Variants in CCDC171 observed in about 807,000 individuals in gnomAD.
The protein encoded by CCDC171 is coiled-coil domain-containing protein 171.
A neutral mutation model predicts 168.2 loss-of-function variants in CCDC171; 177 were observed. That is an observed-to-expected ratio of 1.05 (90% CI 0.93 to 1.19). CCDC171 has a LOEUF of 1.19. Among genes scored for constraint, CCDC171 ranks in the 50% most tolerant of loss-of-function variants. CCDC171 has a pLI of 0.00. For synonymous variants in CCDC171, 687 were observed against 540.8 expected (o/e 1.27, Z -3.75); for missense variants, 1,991 against 1,539.0 (o/e 1.29, Z -4.91).
chr9:15,749,204 A>G (rs2055534654), intron 18 of CCDC171, among the ~76,000 whole-genome samples: 1 of 152,194 alleles, frequency 6.6e-6, no homozygotes, highest in Non-Finnish European at 1.5e-5. Flanking sequence ...TTAAACCAAC[A>G]AAGATCGAAA....
intron 9 of CCDC171, 73 bp from the exon 10 acceptor site, chr9:15,678,685 T>C (rs1228786444): frequency 9.8e-6 from 12 of 1,226,658 alleles, no homozygotes; most frequent in Admixed American, 2.7e-5. Context: ...ATCTGCCATA[T>C]GTATTAAAGG....
At chr9:15,965,053 G>A (rs769323195) in intron 25 of CCDC171, among the ~76,000 whole-genome samples, 9 of 152,138 alleles carry the variant, frequency 5.9e-5, no homozygotes, top group Non-Finnish European at 1.2e-4. Context: ...GTGAGCTACC[G>A]TACCTGGCCT....
At chr9:15,778,133 TAAAAATAC>T (rs900287987) in intron 19 of CCDC171, among the ~76,000 whole-genome samples, 6 of 144,996 alleles carry the variant, frequency 4.1e-5, no homozygotes, top group African/African-American at 1.5e-4. Flanking sequence ...CCGTCTCTAC[TAAAAATAC>T]AAAAAATTAG....
At chr9:15,742,192 A>C (rs545304190) in intron 16 of CCDC171, among the ~76,000 whole-genome samples, 1 of 152,168 alleles carries the variant, frequency 6.6e-6, no homozygotes, top group South Asian at 2.1e-4. Context: ...CTCTACTGCT[A>C]ACCCTGGCTA....
chr9:15,900,084 C>T (rs535433604), intron 24 of CCDC171, among the ~76,000 whole-genome samples: 2 of 152,142 alleles, frequency 1.3e-5, no homozygotes, highest in Non-Finnish European at 2.9e-5. Flanking sequence ...CCCCTTTGTC[C>T]TTTCCCATGT....
At chr9:15,906,381 A>G (rs1226310752) in intron 24 of CCDC171, among the ~76,000 whole-genome samples, 5 of 152,244 alleles carry the variant, frequency 3.3e-5, no homozygotes, top group Admixed American at 6.5e-5. Context: ...ACGAAAATCA[A>G]TAAACGTAAT....
intron 1 of CCDC171, among the ~76,000 whole-genome samples, chr9:16,045,338 C>G (rs1833644308): frequency 6.6e-6 from 1 of 152,124 alleles, no homozygotes; most frequent in Admixed American, 6.5e-5. Flanking sequence ...TTAACACAGC[C>G]CAGGAGGCTT....
intron 4 of CCDC171, among the ~76,000 whole-genome samples, chr9:15,583,108 A>G (rs373037025): frequency 6.6e-6 from 1 of 152,074 alleles, no homozygotes; most frequent in African/African-American, 2.4e-5. Flanking sequence ...CCATCAACCA[A>G]TGAGTGGATA....
rs576651753 is a variant in CCDC171 at position 15,770,287 on chromosome 9, AT to A, written c.2672-7312del. ...TTTATGCAAAAACTTTCACTATGCT[AT>A]GTCTTCTAAAAAACTATCTTTATCT... On this transcript the variant is annotated intron_variant, in intron 18 of 25. Transcript: ENST00000380701. Among the ~76,000 whole-genome samples the A allele has an allele frequency of 4.6e-5, 7 of 152,326 alleles. No individual in the cohort carries two copies. In the South Asian group the frequency reaches 1.4e-3, roughly 32 times the overall value.
At chr9:15,764,275 G>A (rs1454322359) in intron 18 of CCDC171, among the ~76,000 whole-genome samples, 1 of 152,226 alleles carries the variant, frequency 6.6e-6, no homozygotes, top group Non-Finnish European at 1.5e-5. Context: ...AAAGTTTTGA[G>A]TGGAAGAATG....
intron 21 of CCDC171, among the ~76,000 whole-genome samples, chr9:15,803,767 A>G (rs2058941122): frequency 6.6e-6 from 1 of 151,734 alleles, no homozygotes; most frequent in Non-Finnish European, 1.5e-5. Flanking sequence ...TTGGTTCTGT[A>G]TGAATTTTAA....
chr9:15,801,591 T>G (rs2058824018), intron 21 of CCDC171, among the ~76,000 whole-genome samples: 1 of 152,052 alleles, frequency 6.6e-6, no homozygotes, highest in East Asian at 1.9e-4. Flanking sequence ...TCCTTTCTAA[T>G]TTGGAGGCCC....
chr9:15,605,734 G>A (rs1439779508), intron 6 of CCDC171, among the ~76,000 whole-genome samples: 2 of 150,098 alleles, frequency 1.3e-5, no homozygotes, highest in African/African-American at 4.9e-5. Flanking sequence ...AAATTTAAAA[G>A]CAAGAAAGTA....
intron 25 of CCDC171, among the ~76,000 whole-genome samples, chr9:15,921,927 A>T (rs1214021210): frequency 6.6e-6 from 1 of 151,618 alleles, no homozygotes; most frequent in Non-Finnish European, 1.5e-5. Flanking sequence ...ATTTAATATG[A>T]AAACAATTAC....
chr9:15,587,684 A>G (rs1268984472), intron 4 of CCDC171: 2 of 456,562 alleles, frequency 4.4e-6, no homozygotes, highest in African/African-American at 4.0e-5. Context: ...TGAAGCTCAG[A>G]TTCTAGGTGG....
chr9:15,754,929 G>T (rs1166941876), intron 18 of CCDC171, among the ~76,000 whole-genome samples: 1 of 151,994 alleles, frequency 6.6e-6, no homozygotes, highest in Non-Finnish European at 1.5e-5. Context: ...AAAATACATT[G>T]GTTGATCTTA....
intron 1 of CCDC171, among the ~76,000 whole-genome samples, chr9:15,560,963 A>G (rs2039252653): frequency 6.6e-6 from 1 of 152,164 alleles, no homozygotes; most frequent in Non-Finnish European, 1.5e-5. Context: ...CCTCAGCTGC[A>G]GGTCTGTTGG....
chr9:15,707,889 C>G (rs2052366282), intron 11 of CCDC171, among the ~76,000 whole-genome samples: 1 of 152,122 alleles, frequency 6.6e-6, no homozygotes, highest in African/African-American at 2.4e-5. Context: ...GCTCTGTCGC[C>G]CAGGCTGAAA....
downstream of CCDC171, among the ~76,000 whole-genome samples, chr9:16,063,259 G>T (rs981356042): frequency 2.0e-5 from 3 of 152,136 alleles, no homozygotes; most frequent in Non-Finnish European, 2.9e-5. Context: ...GACTCCAGAT[G>T]CCCCAGGCAG....
Sources: gnomAD v4.1 joint callset for allele counts (sites outside exome capture counted in the v4.1 genomes callset) on GRCh38, gnomAD v4.1.1 for gene constraint, MANE v1.5 for transcripts, NCBI Gene and HGNC (gene_info 2026-07-23, HGNC 2026-07-21) for gene names.